PROCR: variants seen among roughly 807,000 people sequenced by gnomAD.
PROCR encodes the protein protein C receptor, also known as endothelial protein C receptor.
Under a neutral mutation model 24.2 loss-of-function variants are expected in PROCR, and 22 were observed. That is an observed-to-expected ratio of 0.91 (90% CI 0.65 to 1.30). The LOEUF is 1.30. Among genes scored for constraint, PROCR ranks in the 50% most tolerant of loss-of-function variants. PROCR has a pLI of 0.00. For synonymous variants in PROCR, 137 were observed against 139.2 expected (o/e 0.98, Z 0.11); for missense variants, 288 against 307.7 (o/e 0.94, Z 0.48).
downstream of PROCR, among the ~76,000 whole-genome samples, chr20:35,178,414 T>TAAA (rs374008630): frequency 0.11 from 5,295 of 49,696 alleles, 518 homozygotes; most frequent in South Asian, 0.18. Flanking sequence ...TTTTTAATTC[T>TAAA]AAAAAAAAAA....
Position 35,197,625 on chromosome 20 carries a change from T to C in PROCR, c.95-18268T>C, listed in dbSNP as rs150455629. 6.2e-3 allele frequency among the ~76,000 whole-genome samples: 940 copies of C among 151,086 alleles called. 10 individuals carry two copies. Among genetic ancestry groups the C allele is most frequent in the African/African-American group, 0.021 (885 of 41,168 alleles). On this transcript the variant is annotated intron_variant, in intron 1 of 1. Transcript: ENST00000634509. ...GATCACAAGGTCAGGAGTTCGAGAC[T>C]AGCCTGGCCAACATGGTGAAACCCC...
In PROCR at chr20:35,184,439, C is replaced by T. The variant is rs955531180; in HGVS notation, c.94+7993C>T. ...TTGAGGAGCTGGGCGTGGTGGCTCA[C>T]GCCTGTAATCCTAGCACTTTGGGAG... is the stretch of plus-strand genomic sequence containing the variant. On this transcript the variant is annotated intron_variant, in intron 1 of 1. Coordinates refer to the PROCR transcript ENST00000634509. 7.2e-5 allele frequency among the ~76,000 whole-genome samples: 11 copies of T among 152,274 alleles called. No homozygotes were observed. In the South Asian group the frequency reaches 8.3e-4, roughly 11 times the overall value.
At chr20:35,202,208 C>T (rs1048462366) in intron 1 of PROCR, 1 of 152,112 alleles carries the variant, frequency 6.6e-6, no homozygotes, top group African/African-American at 2.4e-5. Flanking sequence ...AAAGCATGTT[C>T]TCTGGCTATA....
Position 35,174,957 on chromosome 20 carries a change from A to G in PROCR, c.322+4A>G. ...CACCAGGAGCGGACCTTGGCCTGTG[A>G]GTAGGCGCGCAGCGGGGGCGGGGTC... On this transcript the variant is annotated splice_donor_region_variant and intron_variant, in intron 2 of 3. Coordinates refer to ENST00000216968, the MANE Select transcript of PROCR (RefSeq NM_006404.5). 3.4e-6 allele frequency: 4 copies of G among 1,159,430 alleles called. No individual in the cohort carries two copies. The highest frequency in any genetic ancestry group is 4.5e-6 in the Non-Finnish European group (4 of 888,566). The allele number at this position is 1,159,430 out of a possible 1,614,324, so 71.8% of individuals were successfully genotyped here.
intron 1 of PROCR, among the ~76,000 whole-genome samples, chr20:35,207,726 C>T (rs182568544): frequency 8.5e-5 from 13 of 152,138 alleles, no homozygotes; most frequent in African/African-American, 2.9e-4. Flanking sequence ...GACGGGGTTT[C>T]TCCATGTTGG....
downstream of PROCR, among the ~76,000 whole-genome samples, chr20:35,180,829 A>T (rs1406239389): frequency 6.6e-6 from 1 of 151,814 alleles, no homozygotes; most frequent in Non-Finnish European, 1.5e-5. Flanking sequence ...TTGTGTCATT[A>T]TTCCGTTTTT....
At chr20:35,178,750 C>A (rs1419019018), downstream of PROCR, among the ~76,000 whole-genome samples, 1 of 143,104 alleles carries the variant, frequency 7.0e-6, no homozygotes, top group Non-Finnish European at 1.5e-5. Flanking sequence ...CTCCTGACCT[C>A]GTGATCCGCC....
At chr20:35,194,774 T>TG (rs2086201837) in intron 1 of PROCR, among the ~76,000 whole-genome samples, 1 of 69,446 alleles carries the variant, frequency 1.4e-5, no homozygotes, top group South Asian at 4.5e-4. Flanking sequence ...GAAAATGAAC[T>TG]GACACTGCAA....
chr20:35,213,520 C>T (rs1481634170), intron 1 of PROCR, among the ~76,000 whole-genome samples: 1 of 151,672 alleles, frequency 6.6e-6, no homozygotes, highest in African/African-American at 2.4e-5. Flanking sequence ...TTTGGCCATG[C>T]AGATGAAGGC....
downstream of PROCR, among the ~76,000 whole-genome samples, chr20:35,178,513 T>TTTTTTTTG (rs2086047129): frequency 1.7e-4 from 7 of 41,900 alleles, 1 homozygote; most frequent in African/African-American, 1.3e-3. Flanking sequence ...CTCAGTTTTT[T>TTTTTTTTG]TTTTTTTTTT....
chr20:35,202,767 ACT>A (rs1443056617), intron 1 of PROCR: 4 of 152,192 alleles, frequency 2.6e-5, no homozygotes, highest in African/African-American at 9.7e-5. Flanking sequence ...GACTTCAATA[ACT>A]CTGTTCTCAA....
intron 1 of PROCR, among the ~76,000 whole-genome samples, chr20:35,186,224 G>A (rs2086124589): frequency 6.6e-6 from 1 of 152,124 alleles, no homozygotes; most frequent in South Asian, 2.1e-4. Context: ...ATATTATCTA[G>A]CCATGAAAAT....
At chr20:35,202,951 C>G (rs2060324211) in intron 1 of PROCR, 1 of 152,204 alleles carries the variant, frequency 6.6e-6, no homozygotes, top group Admixed American at 6.5e-5. Context: ...TATTCTGGGT[C>G]ATAAAGTAAA....
At chr20:35,186,566 CA>C (rs571639984) in intron 1 of PROCR, among the ~76,000 whole-genome samples, 9,166 of 50,134 alleles carry the variant, frequency 0.18, 256 homozygotes, top group South Asian at 0.26. Flanking sequence ...AACTCCATCT[CA>C]AAAAAAAAAA....
intron 1 of PROCR, among the ~76,000 whole-genome samples, chr20:35,173,430 T>TC (rs1341309977): frequency 2.5e-5 from 3 of 118,434 alleles, no homozygotes; most frequent in African/African-American, 5.6e-5. Context: ...TTTCTTTTTT[T>TC]TTTTTTTTTT....
intron 1 of PROCR, among the ~76,000 whole-genome samples, chr20:35,190,080 G>GATGTTATTATTCTCATTTCCTGGCA (rs2086160720): frequency 6.6e-6 from 1 of 152,056 alleles, no homozygotes; most frequent in Non-Finnish European, 1.5e-5. Context: ...ATTTCCTATA[G>GATGTTATTATTCTCATTTCCTGGCA]ATGTTATTAT....
intron 1 of PROCR, among the ~76,000 whole-genome samples, chr20:35,191,480 C>G (rs1255629664): frequency 1.3e-5 from 2 of 151,460 alleles, no homozygotes; most frequent in Non-Finnish European, 2.9e-5. Context: ...TTTTTAATGT[C>G]AGAGATAATT....
chr20:35,207,298 A>G (rs1374611288), intron 1 of PROCR, among the ~76,000 whole-genome samples: 1 of 151,958 alleles, frequency 6.6e-6, no homozygotes, highest in South Asian at 2.1e-4. Flanking sequence ...TGCATTTGTC[A>G]AAACTCACAG....
chr20:35,200,717 G>A (rs1286193800), intron 1 of PROCR, among the ~76,000 whole-genome samples: 1 of 152,042 alleles, frequency 6.6e-6, no homozygotes, highest in Non-Finnish European at 1.5e-5. Flanking sequence ...AGCAATCTTG[G>A]CTCACTGCAA....
Sources: allele counts gnomAD v4.1 joint callset (sites outside exome capture counted in the v4.1 genomes callset), GRCh38; gene constraint gnomAD v4.1.1; transcripts MANE v1.5; gene names NCBI Gene and HGNC (gene_info 2026-07-23, HGNC 2026-07-21).